The following EPHA2 variants were observed in gnomAD, a reference collection of about 807,000 sequenced individuals.
EPHA2 encodes EPH receptor A2.
A neutral mutation model predicts 104.9 loss-of-function variants in EPHA2; 54 were observed. That is an observed-to-expected ratio of 0.51 (90% CI 0.41 to 0.65). The LOEUF (loss-of-function observed/expected upper bound fraction) is 0.65, where lower values mean the gene tolerates loss of function less well. Ranked by LOEUF, EPHA2 falls within the 30% of genes least tolerant of loss-of-function variation. The probability of loss-of-function intolerance (pLI) is 0.00; values close to 1 mark genes in which losing one functional copy is unlikely to be tolerated. For synonymous variants in EPHA2, 560 were observed against 559.1 expected, an observed-to-expected ratio of 1.00 and a Z score of -0.02; for missense variants, 1,117 against 1,369.5, an observed-to-expected ratio of 0.82 and a Z score of 2.91.
At chr1:16,129,663 A>C in intron 15 of EPHA2, 74 bp from the exon 16 acceptor site, 1 of 1,520,048 alleles carries the variant, frequency 6.6e-7, no homozygotes, top group South Asian at 1.2e-5. Context: ...GCTGCTCCCT[A>C]ACCTGGATGA....
At chr1:16,145,859 T>C (rs1379450402) in intron 3 of EPHA2, among the ~76,000 whole-genome samples, 1 of 152,248 alleles carries the variant, frequency 6.6e-6, no homozygotes, top group Non-Finnish European at 1.5e-5. Flanking sequence ...ATCCTAGCTG[T>C]GTGACTTCAG....
intron 3 of EPHA2, among the ~76,000 whole-genome samples, chr1:16,147,595 G>A (rs2024959176): frequency 6.6e-6 from 1 of 151,774 alleles, no homozygotes; most frequent in African/African-American, 2.4e-5. Context: ...ACATTCGTGG[G>A]ATGAATCAAA....
chr1:16,131,914 G>T lies in EPHA2; in HGVS notation c.2326-44C>A. On this transcript the variant is annotated intron_variant, in intron 13 of 16. Transcript: ENST00000358432. The surrounding 1 kb of genome is among the most constrained non-coding windows in gnomAD (Gnocchi z 5.2). ...CAGTCACCACTGTGCCCTCTGGCTG[G>T]CCCCAGGACCATTGCAGCCAAGCCC... 1.2e-6 allele frequency: 2 copies of T among 1,606,876 alleles called. No individual in the cohort carries two copies. Among genetic ancestry groups the T allele is most frequent in the South Asian group, 2.2e-5 (2 of 90,466 alleles).
chr1:16,144,340 C>A (rs768983250), intron 3 of EPHA2, among the ~76,000 whole-genome samples: 24 of 152,136 alleles, frequency 1.6e-4, no homozygotes, highest in Non-Finnish European at 2.9e-4. Context: ...GTGGGACTTC[C>A]CAGCAGGGGA....
At chr1:16,143,977 C>T (rs913123810) in intron 3 of EPHA2, among the ~76,000 whole-genome samples, 1 of 152,150 alleles carries the variant, frequency 6.6e-6, no homozygotes, top group Non-Finnish European at 1.5e-5. Context: ...CTTTCACACA[C>T]ACCCTAGGGA....
At chr1:16,153,710 A>C (rs1401844372) in intron 1 of EPHA2, among the ~76,000 whole-genome samples, 1 of 152,186 alleles carries the variant, frequency 6.6e-6, no homozygotes, top group African/African-American at 2.4e-5. Flanking sequence ...TTGATGACCT[A>C]ACAGGAGCCA....
At chr1:16,147,964 C>T (rs1446459676) in intron 3 of EPHA2, among the ~76,000 whole-genome samples, 6 of 151,798 alleles carry the variant, frequency 4.0e-5, no homozygotes, top group Non-Finnish European at 7.4e-5. Context: ...CTCCACCTCC[C>T]GGGTTCAAGC....
chr1:16,133,446 C>G lies in EPHA2; in HGVS notation c.1864+35G>C. On this transcript the variant is annotated intron_variant, in intron 10 of 16. Coordinates refer to ENST00000358432, the MANE Select transcript of EPHA2 (RefSeq NM_004431.5). ...TCCCACACTGTGTCACCACCGCTGC[C>G]TCCTCAGGGCCCCTTGGCAGGGGGC... 2 of 1,614,042 alleles carry G rather than the reference C, an allele frequency of 1.2e-6. 1 individual carries two copies. Among genetic ancestry groups the G allele is most frequent in the Admixed American group, 3.3e-5 (2 of 60,018 alleles).
At position 16,131,671 on chromosome 1, in the gene EPHA2, A is replaced by G. The variant is rs1262390182; in HGVS notation, c.2475+50T>C. On this transcript the variant is annotated intron_variant, in intron 14 of 16. Coordinates refer to ENST00000358432, the MANE Select transcript of EPHA2 (RefSeq NM_004431.5). The surrounding 1 kb of genome is among the most constrained non-coding windows in gnomAD (Gnocchi z 5.2). Reference sequence around the variant, plus strand: ...AGCCCCTGCAGTTTGAGATGAGTAAAGGGCTTGAGTTCAGGTCCGGACAGG... The same window carrying G: ...AGCCCCTGCAGTTTGAGATGAGTAAGGGGCTTGAGTTCAGGTCCGGACAGG... 1 of 1,612,450 alleles carries G rather than the reference A, an allele frequency of 6.2e-7. No homozygotes were observed. Among genetic ancestry groups the G allele is most frequent in the African/African-American group, 1.3e-5 (1 of 75,000 alleles).
intron 11 of EPHA2, 71 bp from the exon 12 acceptor site, chr1:16,132,510 G>C: frequency 6.4e-7 from 1 of 1,562,524 alleles, no homozygotes; most frequent in Non-Finnish European, 8.8e-7. Context: ...ACAGATATGG[G>C]GGAAGGTGGG....
chr1:16,129,528 C>A lies in EPHA2; in HGVS notation c.2731G>T (p.Glu911Ter). The A allele has an allele frequency of 6.2e-7, 1 of 1,613,596 alleles. No homozygotes were observed. The highest frequency in any genetic ancestry group is 8.5e-7 in the Non-Finnish European group (1 of 1,180,004). The change falls in exon 16 of 17, where the codon GAG (glutamate) becomes TAG (stop). Residue 911 changes from glutamate (E) to a stop codon, truncating the protein, a stop_gained. Transcript: ENST00000358432. LOFTEE classifies it high-confidence loss of function. Reference sequence around the variant, plus strand: ...TGCATCTTGATGGACTCCAGCCACTCGGACACCGTGCGGAAGGGCACCCCC... The same window carrying A: ...TGCATCTTGATGGACTCCAGCCACTAGGACACCGTGCGGAAGGGCACCCCC... ...SEGVPFRTVSEWLESIKMQQY... is the reference protein window; with the variant it reads ...SEGVPFRTVS
Position 16,135,502 on chromosome 1 carries a change from G to T in EPHA2, c.1428+153C>A, listed in dbSNP as rs1018955292. 1.3e-6 allele frequency: 1 copy of T among 791,692 alleles called. No homozygotes were observed. 49.0% of individuals were successfully genotyped at this position (791,692 alleles called of 1,614,324 possible). On this transcript the variant is annotated intron_variant, in intron 6 of 16. Transcript: ENST00000358432. This position sits in a 1 kb window ranked among gnomAD's most constrained non-coding sequence, Gnocchi z 4.3. ...AAATCTCTGCTGTGCTGCCTTGGGAGATGTAACCCCCTGGCAGACCCCAGG... is the reference window on the plus strand; with the variant it reads ...AAATCTCTGCTGTGCTGCCTTGGGATATGTAACCCCCTGGCAGACCCCAGG...
rs994483656 is a variant in EPHA2 at position 16,150,705 on chromosome 1, C to T, written c.153+191G>A. On this transcript the variant is annotated intron_variant, in intron 2 of 16. Coordinates refer to ENST00000358432, the MANE Select transcript of EPHA2 (RefSeq NM_004431.5). The surrounding 1 kb of genome is among the most constrained non-coding windows in gnomAD (Gnocchi z 4.8). ...ACACCCACACCCTCGTACCTTCCCA[C>T]GCCCATCCAGCCCTGGCCTGGGCCG... Among the ~76,000 whole-genome samples the T allele has an allele frequency of 5.3e-5, 8 of 152,230 alleles. No individual in the cohort carries two copies. Among genetic ancestry groups the T allele is most frequent in the African/African-American group, 1.4e-4 (6 of 41,468 alleles).
intron 3 of EPHA2, among the ~76,000 whole-genome samples, chr1:16,143,404 C>T (rs1423749613): frequency 6.6e-6 from 1 of 152,018 alleles, no homozygotes; most frequent in African/African-American, 2.4e-5. Context: ...TGCCTACCTG[C>T]CTTACACAAG....
At chr1:16,138,455 C>T (rs2124229948) in intron 3 of EPHA2, 25 bp from the exon 4 acceptor site, 1 of 1,613,102 alleles carries the variant, frequency 6.2e-7, no homozygotes, top group Non-Finnish European at 8.5e-7. Flanking sequence ...ACAGACAGAG[C>T]ACAAGGACAT....
At chr1:16,138,561 T>C in intron 3 of EPHA2, 131 bp from the exon 4 acceptor site, 1 of 1,343,080 alleles carries the variant, frequency 7.4e-7, no homozygotes, top group Non-Finnish European at 1.0e-6. Context: ...GGACCTGTTT[T>C]CTCATCGGCA....
At position 16,154,886 on chromosome 1, in the gene EPHA2, T is replaced by G. The variant is rs1161159659; in HGVS notation, c.85+962A>C. 2.6e-5 allele frequency among the ~76,000 whole-genome samples: 4 copies of G among 151,892 alleles called. No individual in the cohort carries two copies. In the East Asian group the frequency reaches 7.8e-4, roughly 30 times the overall value. ...GGAGGGGAAGCCTTGCCCTCACTGT[T>G]GGAAATTGAAGCTGGCCTGGGCTGG... On this transcript the variant is annotated intron_variant, in intron 1 of 16. Coordinates refer to ENST00000358432, the MANE Select transcript of EPHA2 (RefSeq NM_004431.5).
rs1476051243 is a variant in EPHA2 at position 16,138,315 on chromosome 1, G to A, written c.939C>T (p.Phe313=). Residue 313 remains phenylalanine, a synonymous_variant, in exon 4 of 17, where the codon TTC becomes TTT. Transcript: ENST00000358432. ...ACGCTGGGTCCTGAGGTGCCCGGAAGAAGCCTTCCTCACACTCGCAGGAGG... is the reference window on the plus strand; with the variant it reads ...ACGCTGGGTCCTGAGGTGCCCGGAAAAAGCCTTCCTCACACTCGCAGGAGG... The part of the protein sequence containing the change: ...GATSCECEEG[F]FRAPQDPASM... 1.2e-6 allele frequency: 2 copies of A among 1,613,712 alleles called. No homozygotes were observed. Among genetic ancestry groups the A allele is most frequent in the Non-Finnish European group, 1.7e-6 (2 of 1,179,924 alleles).
intron 5 of EPHA2, among the ~76,000 whole-genome samples, chr1:16,136,367 C>A (rs371903659): frequency 6.6e-6 from 1 of 150,546 alleles, no homozygotes; most frequent in Non-Finnish European, 1.5e-5. Context: ...CCCCTGTAAT[C>A]CCAGCACTTT....
Sources: allele counts gnomAD v4.1 joint callset (sites outside exome capture counted in the v4.1 genomes callset), GRCh38; gene constraint gnomAD v4.1.1; non-coding constraint Gnocchi (gnomAD v3.1); transcripts MANE v1.5; gene names NCBI Gene and HGNC (gene_info 2026-07-23, HGNC 2026-07-21).